The following GPC5 variants were observed in gnomAD, a reference collection of about 807,000 sequenced individuals.
The protein encoded by GPC5 is glypican 5.
Under a neutral mutation model 53.9 loss-of-function variants are expected in GPC5, and 47 were observed. The ratio of observed to expected loss-of-function variants is 0.87; its 90% CI spans 0.69 to 1.11. The LOEUF is 1.11. Among genes scored for constraint, GPC5 ranks in the 50% most tolerant of loss-of-function variants. GPC5 has a pLI of 0.00. For synonymous variants in GPC5, 286 were observed against 263.3 expected (o/e 1.09, Z -0.84); for missense variants, 748 against 713.1 (o/e 1.05, Z -0.56).
rs997386449 is a variant in GPC5, at chr13:92,174,366, A to AC, written c.1561+29377_1561+29378insC. The stretch of plus-strand genomic sequence containing the variant: ...GAAACCCTGTCTCTACTAAAAACAC[A>AC]AAAAAAAAAACAAAAAAAAATGGCC... On this transcript the variant is annotated intron_variant, in intron 7 of 7. Transcript: ENST00000377067. Among the ~76,000 whole-genome samples the AC allele has an allele frequency of 6.9e-4, 21 of 30,618 alleles. 1 individual carries two copies. The highest frequency in any genetic ancestry group is 6.7e-3 in the Admixed American group (15 of 2,254). 20.1% of individuals were successfully genotyped at this position (30,618 alleles called of 152,430 possible). A position where few individuals can be genotyped will look rare whatever the true frequency, so the allele number is the denominator to read the frequency against.
chr13:92,157,958 G>A (rs1156594630), intron 7 of GPC5, among the ~76,000 whole-genome samples: 1 of 152,082 alleles, frequency 6.6e-6, no homozygotes, highest in Non-Finnish European at 1.5e-5. Flanking sequence ...ACATTAAAAT[G>A]AACTGTAAAA....
At chr13:91,897,578 A>T (rs1353466870) in intron 5 of GPC5, among the ~76,000 whole-genome samples, 1 of 152,132 alleles carries the variant, frequency 6.6e-6, no homozygotes, top group Admixed American at 6.6e-5. Context: ...TGGACCACAT[A>T]TCAAGGCCAT....
chr13:92,371,066 C>T (rs1222482299), intron 7 of GPC5, among the ~76,000 whole-genome samples: 1 of 152,100 alleles, frequency 6.6e-6, no homozygotes, highest in Non-Finnish European at 1.5e-5. Context: ...GGGATAATTG[C>T]TTGAACCCAG....
rs1007510927 is a variant in GPC5, at chr13:92,683,559, G to A, written c.1562-182723G>A. Among the ~76,000 whole-genome samples, 111 of 152,080 alleles carry A rather than the reference G, an allele frequency of 7.3e-4. 3 individuals are homozygous for A. Among genetic ancestry groups the A allele is most frequent in the Admixed American group, 4.6e-4 (7 of 15,252 alleles). On this transcript the variant is annotated intron_variant, in intron 7 of 7. Coordinates refer to ENST00000377067, the MANE Select transcript of GPC5 (RefSeq NM_004466.6). ...TCAGAACTGATGAGGATTGATGTGGGTTATTTCAATAAAGTGTTATAAATA... is the reference window on the plus strand; with the variant it reads ...TCAGAACTGATGAGGATTGATGTGGATTATTTCAATAAAGTGTTATAAATA...
chr13:92,805,162 G>T (rs999619447), intron 7 of GPC5, among the ~76,000 whole-genome samples: 1 of 151,976 alleles, frequency 6.6e-6, no homozygotes, highest in Non-Finnish European at 1.5e-5. Flanking sequence ...AATCACAAAC[G>T]TTATTAATAG....
At chr13:92,208,248 T>C (rs188635128) in intron 7 of GPC5, among the ~76,000 whole-genome samples, 86 of 152,346 alleles carry the variant, frequency 5.6e-4, no homozygotes, top group Non-Finnish European at 7.6e-4. Context: ...GATTTTAATG[T>C]TCTCCCTTAA....
At chr13:91,883,892 TA>T (rs368034994) in intron 5 of GPC5, among the ~76,000 whole-genome samples, 12 of 152,126 alleles carry the variant, frequency 7.9e-5, no homozygotes, top group African/African-American at 2.7e-4. Flanking sequence ...ACCCACATAG[TA>T]AACCTGTTAC....
chr13:91,853,284 T>G (rs2038933822), intron 5 of GPC5, among the ~76,000 whole-genome samples: 1 of 152,068 alleles, frequency 6.6e-6, no homozygotes, highest in South Asian at 2.1e-4. Flanking sequence ...TAATGCTTGA[T>G]GTGGATGAGA....
chr13:92,730,890 G>A (rs924873751), intron 7 of GPC5, among the ~76,000 whole-genome samples: 3 of 151,590 alleles, frequency 2.0e-5, no homozygotes, highest in Middle Eastern at 3.4e-3. Flanking sequence ...GTCTTAGCGG[G>A]TGGTGAAAAT....
chr13:92,385,506 A>ACG (rs1555331945), intron 7 of GPC5, among the ~76,000 whole-genome samples: 12 of 133,130 alleles, frequency 9.0e-5, no homozygotes, highest in African/African-American at 2.6e-4. Context: ...ACATACATAT[A>ACG]CATATATACA....
At chr13:92,383,675 T>C (rs1301765086) in intron 7 of GPC5, among the ~76,000 whole-genome samples, 1 of 152,208 alleles carries the variant, frequency 6.6e-6, no homozygotes, top group Non-Finnish European at 1.5e-5. Context: ...CTGTCATGAA[T>C]ATCTCTTTAT....
chr13:92,240,366 T>C (rs984424461), intron 7 of GPC5: 9 of 152,130 alleles, frequency 5.9e-5, no homozygotes, highest in Non-Finnish European at 1.2e-4. Context: ...GTTTTATGTA[T>C]ATTGACTATG....
chr13:92,396,927 A>G (rs1246194421), intron 7 of GPC5, among the ~76,000 whole-genome samples: 2 of 152,266 alleles, frequency 1.3e-5, no homozygotes, highest in South Asian at 2.1e-4. Context: ...CTTTTCCCCT[A>G]GAGAGGAGGC....
intron 7 of GPC5, among the ~76,000 whole-genome samples, chr13:92,517,464 G>T (rs569815130): frequency 6.6e-6 from 1 of 152,190 alleles, no homozygotes; most frequent in African/African-American, 2.4e-5. Context: ...ACCTCACACG[G>T]CTGGGTACCC....
intron 5 of GPC5, among the ~76,000 whole-genome samples, chr13:91,789,694 T>C (rs1335091096): frequency 6.6e-6 from 1 of 152,230 alleles, no homozygotes; most frequent in African/African-American, 2.4e-5. Flanking sequence ...TATGTGTACC[T>C]GTTGTAGTTC....
At chr13:92,667,110 G>A (rs1428333806) in intron 7 of GPC5, among the ~76,000 whole-genome samples, 1 of 152,166 alleles carries the variant, frequency 6.6e-6, no homozygotes, top group East Asian at 1.9e-4. Flanking sequence ...GAGATTTGTT[G>A]AAAGGAAGTA....
chr13:92,032,581 G>A (rs911521503), intron 6 of GPC5, among the ~76,000 whole-genome samples: 6 of 152,046 alleles, frequency 3.9e-5, no homozygotes, highest in South Asian at 2.1e-4. Context: ...GACCTAAAAC[G>A]TGGTCTCACC....
intron 7 of GPC5, among the ~76,000 whole-genome samples, chr13:92,397,381 G>A (rs1033242753): frequency 5.9e-5 from 9 of 152,146 alleles, no homozygotes; most frequent in African/African-American, 2.2e-4. Flanking sequence ...TCTCTTGCCC[G>A]CCACTGTGGA....
At chr13:92,654,042 A>G (rs1444121772) in intron 7 of GPC5, among the ~76,000 whole-genome samples, 2 of 152,368 alleles carry the variant, frequency 1.3e-5, no homozygotes, top group East Asian at 3.9e-4. Context: ...AGTGCCTTGC[A>G]CAGAGTCAGT....
Sources: gnomAD v4.1 joint callset for allele counts (sites outside exome capture counted in the v4.1 genomes callset) on GRCh38, gnomAD v4.1.1 for gene constraint, MANE v1.5 for transcripts, NCBI Gene and HGNC (gene_info 2026-07-23, HGNC 2026-07-21) for gene names.